ZNF625: variants seen among roughly 807,000 people sequenced by gnomAD.
ZNF625 encodes zinc finger protein 625.
ZNF625 carries 8 observed loss-of-function variants against 11.1 expected under a neutral mutation model. That is an observed-to-expected ratio of 0.72 (90% CI 0.42 to 1.30). The LOEUF (loss-of-function observed/expected upper bound fraction) is 1.30, where lower values mean the gene tolerates loss of function less well. Among genes scored for constraint, ZNF625 ranks in the 50% most tolerant of loss-of-function variants. The pLI, the probability that ZNF625 is intolerant of heterozygous loss-of-function variation, is 0.01. For missense variants in ZNF625, 349 were observed against 447.6 expected, an observed-to-expected ratio of 0.78 and a Z score of 1.99; for synonymous variants, 145 against 153.4, an observed-to-expected ratio of 0.95 and a Z score of 0.41.
At chr19:12,149,582 G>GT (rs1241661745) in intron 1 of ZNF625, among the ~76,000 whole-genome samples, 1 of 151,942 alleles carries the variant, frequency 6.6e-6, no homozygotes, top group East Asian at 1.9e-4. Context: ...TAAAATTTAA[G>GT]TTTTTTACTT....
chr19:12,147,857 C>T (rs1976898860), intron 1 of ZNF625, 55 bp from the exon 2 acceptor site: 4 of 1,596,534 alleles, frequency 2.5e-6, no homozygotes, highest in Non-Finnish European at 3.4e-6. Flanking sequence ...GCACTGGGTT[C>T]CTATACTCTA....
chr19:12,145,194 G>T lies in ZNF625; in HGVS notation c.*103C>A. ...TTTCTGAATGCTGTCAAATGACAGT[G>T]ACTGCAGAAGCTTCAGAATAATTTT... On this transcript the variant is annotated 3_prime_UTR_variant, in exon 4 of 4. Coordinates refer to ENST00000439556, the MANE Select transcript of ZNF625 (RefSeq NM_145233.4). The T allele has an allele frequency of 1.5e-6, 2 of 1,326,770 alleles. No homozygotes were observed. The highest frequency in any genetic ancestry group is 2.9e-5 in the South Asian group (2 of 68,182). 82.2% of individuals were successfully genotyped at this position (1,326,770 alleles called of 1,614,324 possible).
intron 3 of ZNF625, among the ~76,000 whole-genome samples, chr19:12,146,970 A>ATTTTTTTTTGTTTTTTTTT (rs1976884211): frequency 7.6e-6 from 1 of 130,820 alleles, no homozygotes; most frequent in African/African-American, 3.0e-5. Flanking sequence ...GTTTTTAGAG[A>ATTTTTTTTTGTTTTTTTTT]TTTTTTTTTT....
chr19:12,147,253 C>A (rs1360379762), intron 3 of ZNF625, 142 bp downstream of exon 3: 1 of 731,270 alleles, frequency 1.4e-6, no homozygotes, highest in Non-Finnish European at 2.2e-6. Context: ...AGGCGTGAGC[C>A]ACCACAGCCG....
At position 12,145,979 on chromosome 19, in the gene ZNF625, T is replaced by A. The variant is rs1339493205; in HGVS notation, c.437A>T (p.Asp146Val). 1 of 1,614,060 alleles carries A rather than the reference T, an allele frequency of 6.2e-7. No homozygotes were observed. Among genetic ancestry groups the A allele is most frequent in the Non-Finnish European group, 8.5e-7 (1 of 1,180,038 alleles). The part of the protein sequence containing the change: ...KCTYCKKAFS[D>V]LPYFRTHEWA... ...TTCATGTGTTCGAAAGTAGGGGAGA[T>A]CACTGAAGGCTTTCTTACAGTATGT... Residue 146 changes from aspartate to valine, a missense_variant, in exon 4 of 4, where the codon GAT (aspartate) becomes GTT (valine). Transcript: ENST00000439556.
In ZNF625 at chr19:12,144,942, C is replaced by T. The variant is rs372142794; in HGVS notation, c.*355G>A. The T allele has an allele frequency of 5.7e-5, 11 of 192,228 alleles. No homozygotes were observed. In the East Asian group the frequency reaches 1.5e-3, roughly 26 times the overall value. The allele number at this position is 192,228 out of a possible 1,614,324, so 11.9% of individuals were successfully genotyped here. A position where few individuals can be genotyped will look rare whatever the true frequency, so the allele number is the denominator to read the frequency against. ...TATTGACCAGGCTGGTCTCGAACTA[C>T]TGACCTCGTGGTCCGCCTGCCTCGG... On this transcript the variant is annotated 3_prime_UTR_variant, in exon 4 of 4. Coordinates refer to ENST00000439556, the MANE Select transcript of ZNF625 (RefSeq NM_145233.4).
At chr19:12,152,305 G>A (rs1976967219) in intron 1 of ZNF625, among the ~76,000 whole-genome samples, 1 of 151,704 alleles carries the variant, frequency 6.6e-6, no homozygotes, top group Admixed American at 6.6e-5. Flanking sequence ...TTAAAATACT[G>A]TACATGAATA....
intron 1 of ZNF625, among the ~76,000 whole-genome samples, chr19:12,148,623 ATTT>A (rs57893180): frequency 1.2e-4 from 17 of 138,276 alleles, no homozygotes; most frequent in African/African-American, 2.1e-4. Context: ...TATAACTACC[ATTT>A]TTTTTTTTTT....
At position 12,152,475 on chromosome 19, in the gene ZNF625, T is replaced by C. The variant is rs184212227; in HGVS notation, c.3+4081A>G. Among the ~76,000 whole-genome samples, 26 of 152,146 alleles carry C rather than the reference T, an allele frequency of 1.7e-4. No homozygotes were observed. The East Asian group carries it at 5.0e-3, about 29-fold the overall frequency. ...TGCAATACACCATAATAGTATAGGA[T>C]CAACAGCAAACAACACAAGAACATC... On this transcript the variant is annotated intron_variant, in intron 1 of 3. Transcript: ENST00000439556.
chr19:12,150,679 T>A (rs967740054), intron 1 of ZNF625, among the ~76,000 whole-genome samples: 1 of 152,236 alleles, frequency 6.6e-6, no homozygotes, highest in South Asian at 2.1e-4. Flanking sequence ...AATCTTTTTT[T>A]ACAAGGGACA....
intron 1 of ZNF625, among the ~76,000 whole-genome samples, chr19:12,154,010 T>C (rs555003065): frequency 1.3e-5 from 2 of 151,996 alleles, no homozygotes; most frequent in African/African-American, 4.8e-5. Context: ...GGTTTTACCA[T>C]GTTAGCCAGG....
At position 12,146,017 on chromosome 19, in the gene ZNF625, C is replaced by T. The variant is rs1181517881; in HGVS notation, c.399G>A (p.Lys133=). ...KPYEYQEYGQ[K]PYKCTYCKKA... ...TCTTACAGTATGTACATTTATATGGCTTCTGTCCATATTCCTGATACTCAT... is the reference window on the plus strand; with the variant it reads ...TCTTACAGTATGTACATTTATATGGTTTCTGTCCATATTCCTGATACTCAT... Residue 133 remains lysine (K), a synonymous_variant, in exon 4 of 4, where the codon AAG becomes AAA. Transcript: ENST00000439556. 1 of 1,614,044 alleles carries T rather than the reference C, an allele frequency of 6.2e-7. No homozygotes were observed. The highest frequency in any genetic ancestry group is 8.5e-7 in the Non-Finnish European group (1 of 1,180,044).
chr19:12,145,634 C>T lies in ZNF625; in HGVS notation c.782G>A (p.Cys261Tyr). 6.2e-7 allele frequency: 1 copy of T among 1,613,660 alleles called. No homozygotes were observed. Among genetic ancestry groups the T allele is most frequent in the South Asian group, 1.1e-5 (1 of 91,064 alleles). ...ECGKAFHSST[C>Y]LHAHKITHTG... ...GTGAGTTATTTTATGTGCATGGAGG[C>T]ATGTGGAACTATGGAATGCTTTCCC... is the stretch of plus-strand genomic sequence containing the variant. The change falls in exon 4 of 4, where the codon TGC (cysteine) becomes TAC (tyrosine). Residue 261 changes from cysteine (C) to tyrosine (Y), a missense_variant. Coordinates refer to ENST00000439556, the MANE Select transcript of ZNF625 (RefSeq NM_145233.4).
chr19:12,148,317 A>G (rs1210819203), intron 1 of ZNF625, among the ~76,000 whole-genome samples: 1 of 152,036 alleles, frequency 6.6e-6, no homozygotes, highest in Non-Finnish European at 1.5e-5. Flanking sequence ...GTCATAACTA[A>G]CTAAAACAAA....
intron 1 of ZNF625, among the ~76,000 whole-genome samples, chr19:12,151,950 A>G (rs1259237113): frequency 2.6e-5 from 4 of 152,080 alleles, no homozygotes; most frequent in African/African-American, 9.7e-5. Context: ...ACCTAAGATC[A>G]TGAATATTTT....
chr19:12,149,038 T>G (rs1248749644), intron 1 of ZNF625, among the ~76,000 whole-genome samples: 3 of 151,898 alleles, frequency 2.0e-5, no homozygotes, highest in African/African-American at 7.3e-5. Flanking sequence ...ATAGCCAACT[T>G]TGGGAGGCCA....
chr19:12,153,386 T>C (rs968404335), intron 1 of ZNF625, among the ~76,000 whole-genome samples: 4 of 149,162 alleles, frequency 2.7e-5, no homozygotes, highest in African/African-American at 7.4e-5. Context: ...TCCAGATTTA[T>C]AGTAAAGACA....
In ZNF625 at chr19:12,148,143, C is replaced by T. The variant is rs1414063866; in HGVS notation, c.4-341G>A. ...TATAGGCGCCTGCCACCACGCACAA[C>T]TAATTTTTGTATTTTTAGTAGAGAT... is the stretch of plus-strand genomic sequence containing the variant. On this transcript the variant is annotated intron_variant, in intron 1 of 3. Coordinates refer to ENST00000439556, the MANE Select transcript of ZNF625 (RefSeq NM_145233.4). Among the ~76,000 whole-genome samples, 13 of 152,192 alleles carry T rather than the reference C, an allele frequency of 8.5e-5. No individual in the cohort carries two copies. The East Asian group carries it at 2.5e-3, about 29-fold the overall frequency.
chr19:12,149,975 G>A (rs1344544279), intron 1 of ZNF625, among the ~76,000 whole-genome samples: 1 of 152,256 alleles, frequency 6.6e-6, no homozygotes, highest in East Asian at 1.9e-4. Flanking sequence ...CTGACATCAG[G>A]TGATTTGCTC....
Sources: gnomAD v4.1 joint callset for allele counts (sites outside exome capture counted in the v4.1 genomes callset) on GRCh38, gnomAD v4.1.1 for gene constraint, MANE v1.5 for transcripts, NCBI Gene and HGNC (gene_info 2026-07-23, HGNC 2026-07-21) for gene names.